ENG: variants seen among roughly 807,000 people sequenced by gnomAD.
ENG encodes endoglin.
Under a neutral mutation model 71.0 loss-of-function variants are expected in ENG, and 17 were observed. The ratio of observed to expected loss-of-function variants is 0.24; its 90% CI spans 0.16 to 0.36. ENG has a LOEUF of 0.36. Among genes scored for constraint, ENG ranks in the 10% least tolerant of loss-of-function variants. The pLI, the probability that ENG is intolerant of heterozygous loss-of-function variation, is 1.00. For synonymous variants in ENG, 360 were observed against 366.9 expected (o/e 0.98, Z 0.21); for missense variants, 749 against 868.3 (o/e 0.86, Z 1.73).
At chr9:127,847,388 G>C (rs908263231) in intron 1 of ENG, among the ~76,000 whole-genome samples, 4 of 152,148 alleles carry the variant, frequency 2.6e-5, no homozygotes, top group African/African-American at 9.7e-5. Context: ...TACTAAGTAG[G>C]TGCCCCAGAC....
At position 127,815,537 on chromosome 9, in the gene ENG, T is replaced by G; in HGVS notation, c.*145A>C. 3 of 1,417,976 alleles carry G rather than the reference T, an allele frequency of 2.1e-6. No homozygotes were observed. Among genetic ancestry groups the G allele is most frequent in the Non-Finnish European group, 2.8e-6 (3 of 1,077,208 alleles). 87.8% of individuals were successfully genotyped at this position (1,417,976 alleles called of 1,614,324 possible). On this transcript the variant is annotated 3_prime_UTR_variant, in exon 15 of 15. Coordinates refer to ENST00000373203, the MANE Select transcript of ENG (RefSeq NM_001114753.3). Reference sequence around the variant, plus strand: ...AGTGGCTGCACTGGCAGCAGGCCTCTGAGAGGGAGGCGGGAAGGGTAGGCG... The same window carrying G: ...AGTGGCTGCACTGGCAGCAGGCCTCGGAGAGGGAGGCGGGAAGGGTAGGCG...
chr9:127,831,449 G>GCGAT, intron 2 of ENG, among the ~76,000 whole-genome samples: 1 of 151,268 alleles, frequency 6.6e-6, no homozygotes, highest in Non-Finnish European at 1.5e-5. Context: ...GTGCAATGGG[G>GCGAT]CGATCTTGGC....
At chr9:127,852,536 G>A (rs774212776) in intron 1 of ENG, among the ~76,000 whole-genome samples, 4 of 152,074 alleles carry the variant, frequency 2.6e-5, no homozygotes, top group Non-Finnish European at 4.4e-5. Flanking sequence ...AGGAACAGAC[G>A]GATACGTTTC....
intron 2 of ENG, among the ~76,000 whole-genome samples, chr9:127,842,258 ACT>A (rs1473699201): frequency 2.2e-5 from 3 of 137,584 alleles, no homozygotes; most frequent in Non-Finnish European, 4.6e-5. Context: ...ACAGGGTCTC[ACT>A]CTGTCACCCA....
chr9:127,847,719 A>G (rs912157620), intron 1 of ENG, among the ~76,000 whole-genome samples: 2 of 152,098 alleles, frequency 1.3e-5, no homozygotes, highest in African/African-American at 4.8e-5. Flanking sequence ...CAAGGAAGAT[A>G]CGTTTCAACA....
chr9:127,831,348 GATGGAGTTTCACC>G (rs1830760011), intron 2 of ENG, among the ~76,000 whole-genome samples: 1 of 149,912 alleles, frequency 6.7e-6, no homozygotes, highest in South Asian at 2.1e-4. Flanking sequence ...TTTTACTAGA[GATGGAGTTTCACC>G]ATGTTGGCCA....
In ENG at chr9:127,824,942, T is replaced by G; in HGVS notation, c.849A>C (p.Pro283=). Residue 283 remains proline (P), a synonymous_variant, in exon 7 of 15, where the codon CCA becomes CCC. Transcript: ENST00000373203. ...TTGEYSFKIF[P]EKNIRGFKLP... is the part of the protein sequence containing the mutation. Reference sequence around the variant, plus strand: ...GCTTGAAGCCACGAATGTTTTTCTCTGGAAAGATCTTGAAGGAGTATTCTC... The same window carrying G: ...GCTTGAAGCCACGAATGTTTTTCTCGGGAAAGATCTTGAAGGAGTATTCTC... The G allele has an allele frequency of 1.2e-6, 2 of 1,613,882 alleles. No homozygotes were observed. The highest frequency in any genetic ancestry group is 1.7e-6 in the Non-Finnish European group (2 of 1,179,972).
At chr9:127,835,495 G>C (rs1830878959) in intron 2 of ENG, among the ~76,000 whole-genome samples, 1 of 152,098 alleles carries the variant, frequency 6.6e-6, no homozygotes. Context: ...GGGCCCTCTG[G>C]ATAGTCAGAT....
intron 9 of ENG, 70 bp downstream of exon 9, chr9:127,819,830 G>A: frequency 6.2e-7 from 1 of 1,612,410 alleles, no homozygotes. Flanking sequence ...CCACCCTGGG[G>A]GATCAGGGAG....
rs1475837804 is a variant in ENG at position 127,826,588 on chromosome 9, A to T, written c.445T>A (p.Trp149Arg). 1.9e-6 allele frequency: 3 copies of T among 1,613,840 alleles called. No individual in the cohort carries two copies. The highest frequency in any genetic ancestry group is 1.3e-5 in the African/African-American group (1 of 74,852). Residue 149 changes from tryptophan (W) to arginine (R), a missense_variant, in exon 4 of 15, where the codon TGG becomes AGG. Trp to Arg is a moderately radical substitution (Grantham distance 101). Coordinates refer to ENST00000373203, the MANE Select transcript of ENG (RefSeq NM_001114753.3). ...PSFPKTQILE[W>R]AAERGPITSA... Reference sequence around the variant, plus strand: ...GTGATGGGGCCCCTCTCAGCTGCCCACTCAAGGATCTGGGTCTTGGGGAAG... The same window carrying T: ...GTGATGGGGCCCCTCTCAGCTGCCCTCTCAAGGATCTGGGTCTTGGGGAAG...
At chr9:127,853,426 G>T (rs2131935125) in intron 1 of ENG, among the ~76,000 whole-genome samples, 1 of 152,316 alleles carries the variant, frequency 6.6e-6, no homozygotes, top group South Asian at 2.1e-4. Flanking sequence ...AGGTGGCCGA[G>T]GGATAGGGAG....
intron 8 of ENG, 80 bp downstream of exon 8, chr9:127,824,224 T>C: frequency 6.2e-7 from 1 of 1,607,310 alleles, no homozygotes; most frequent in Non-Finnish European, 8.5e-7. Flanking sequence ...CTGCCTGGGC[T>C]AGGACCCCAA....
Position 127,854,623 on chromosome 9 carries a change from G to T in ENG, c.-268C>A. 1 of 534,014 alleles carries T rather than the reference G, an allele frequency of 1.9e-6. No individual in the cohort carries two copies. The highest frequency in any genetic ancestry group is 3.3e-6 in the Non-Finnish European group (1 of 302,400). The allele number at this position is 534,014 out of a possible 1,614,324, so 33.1% of individuals were successfully genotyped here. ...CCAATGGATGGCAGTGACAGCAGCA[G>T]TCCTGGCCCCAGGGCGCAGATGAAG... On this transcript the variant is annotated 5_prime_UTR_variant, in exon 1 of 15. The change creates a new upstream start codon in the 5' untranslated region. Transcript: ENST00000373203.
chr9:127,815,698 G>T lies in ENG; in HGVS notation c.1961C>A (p.Thr654Asn). 6.4e-7 allele frequency: 1 copy of T among 1,564,256 alleles called. No individual in the cohort carries two copies. Among genetic ancestry groups the T allele is most frequent in the Non-Finnish European group, 8.6e-7 (1 of 1,161,340 alleles). The change falls in exon 15 of 15, where the codon ACC becomes AAC. Residue 654 changes from threonine (T) to asparagine (N), a missense_variant. Physicochemically the swap from Thr to Asn is moderately conservative, Grantham distance 65. Coordinates refer to ENST00000373203, the MANE Select transcript of ENG (RefSeq NM_001114753.3). The part of the protein sequence containing the change: ...IGSTQSTPCS[T>N]SSMA ...GGGCCGGGGCTATGCCATGCTGCTG[G>T]TGGAGCAGGGGGTGCTCTGGGTGCT...
In ENG at chr9:127,839,563, GTTTTGT is replaced by G. The variant is rs1830978801; in HGVS notation, c.219+3525_219+3530del. ...CCCCATTAATCTTTTTTTTGTTGTT[GTTTTGT>G]TTTTGAGACAGGGTCTTGCTCTGTC... On this transcript the variant is annotated intron_variant, in intron 2 of 14. Coordinates refer to ENST00000373203, the MANE Select transcript of ENG (RefSeq NM_001114753.3). Among the ~76,000 whole-genome samples the G allele has an allele frequency of 1.3e-5, 2 of 152,028 alleles. 1 individual carries two copies. Among genetic ancestry groups the G allele is most frequent in the South Asian group, 4.1e-4 (2 of 4,822 alleles).
chr9:127,818,294 C>T lies in ENG; in HGVS notation c.1512G>A (p.Val504=), dbSNP rs2131875976. The T allele has an allele frequency of 6.2e-7, 1 of 1,614,122 alleles. No individual in the cohort carries two copies. The highest frequency in any genetic ancestry group is 8.5e-7 in the Non-Finnish European group (1 of 1,180,038). The change falls in exon 12 of 15, where the codon GTG becomes GTA. Residue 504 remains valine, a synonymous_variant. Transcript: ENST00000373203. Reference sequence around the variant, plus strand: ...TGGCCGCCCGGCCCTGGATGAGTTCCACGGTGCCTCCCTCAGGCCCCAAGT... The same window carrying T: ...TGGCCGCCCGGCCCTGGATGAGTTCTACGGTGCCTCCCTCAGGCCCCAAGT... The part of the protein sequence containing the change: ...HLDLGPEGGT[V]ELIQGRAAKG...
At chr9:127,819,461 C>G in intron 10 of ENG, 161 bp downstream of exon 10, 1 of 883,558 alleles carries the variant, frequency 1.1e-6, no homozygotes, top group Non-Finnish European at 1.8e-6. Flanking sequence ...TCACCCTCAG[C>G]AGTCCTGCTC....
chr9:127,852,203 C>T (rs758179372), intron 1 of ENG, among the ~76,000 whole-genome samples: 2 of 152,126 alleles, frequency 1.3e-5, no homozygotes, highest in Non-Finnish European at 2.9e-5. Flanking sequence ...CAGGTACCCA[C>T]GGACCACGCA....
intron 2 of ENG, among the ~76,000 whole-genome samples, chr9:127,835,723 G>A (rs1337614485): frequency 5.3e-5 from 8 of 152,110 alleles, no homozygotes; most frequent in Non-Finnish European, 1.0e-4. Flanking sequence ...TGAAATGGGG[G>A]TAGGACAGGG....
Sources: allele counts gnomAD v4.1 joint callset (sites outside exome capture counted in the v4.1 genomes callset), GRCh38; gene constraint gnomAD v4.1.1; transcripts MANE v1.5; gene names NCBI Gene and HGNC (gene_info 2026-07-23, HGNC 2026-07-21).